Variants in RBFOX1 observed in about 807,000 individuals in gnomAD.
RBFOX1 encodes the protein RNA binding protein fox-1 homolog 1.
RBFOX1 carries 8 observed loss-of-function variants against 57.7 expected under a neutral mutation model. That is an observed-to-expected ratio of 0.14 (90% CI 0.08 to 0.25). The LOEUF is 0.25. Among genes scored for constraint, RBFOX1 ranks in the 10% least tolerant of loss-of-function variants. The pLI is 1.00. For missense variants in RBFOX1, 611 were observed against 548.5 expected (o/e 1.11, Z -1.14); for synonymous variants, 326 against 222.4 (o/e 1.47, Z -4.15).
intron 1 of RBFOX1, among the ~76,000 whole-genome samples, chr16:6,294,037 C>T (rs931282871): frequency 6.6e-6 from 1 of 152,162 alleles, no homozygotes; most frequent in African/African-American, 2.4e-5. Context: ...CAAATTTCAA[C>T]TAGGTGTGGT....
chr16:7,669,762 A>G (rs1416204694), intron 13 of RBFOX1, among the ~76,000 whole-genome samples: 2 of 152,186 alleles, frequency 1.3e-5, no homozygotes, highest in South Asian at 2.1e-4. Flanking sequence ...CTTTGGGAAC[A>G]TGTAAAGCTG....
At chr16:5,406,584 CTCTCTCTA>C (rs2066874158) in intron 1 of RBFOX1, among the ~76,000 whole-genome samples, 1 of 152,046 alleles carries the variant, frequency 6.6e-6, no homozygotes, top group Non-Finnish European at 1.5e-5. Flanking sequence ...ATTTCTCTCT[CTCTCTCTA>C]TATATATGTA....
In RBFOX1 at chr16:7,062,266, C is replaced by T. The variant is rs184160659; in HGVS notation, c.27+10168C>T. On this transcript the variant is annotated intron_variant, in intron 4 of 15. Transcript: ENST00000550418. ...CCGAGATCATGAGGTTGCAGTGAGCCGAGATCATGCCACTGCACTCCAGTC... is the reference window on the plus strand; with the variant it reads ...CCGAGATCATGAGGTTGCAGTGAGCTGAGATCATGCCACTGCACTCCAGTC... Among the ~76,000 whole-genome samples the T allele has an allele frequency of 9.8e-3, 1,352 of 137,794 alleles. 10 individuals are homozygous for T. The highest frequency in any genetic ancestry group is 0.014 in the Non-Finnish European group (930 of 66,470). 90.4% of individuals were successfully genotyped at this position (137,794 alleles called of 152,430 possible).
intron 5 of RBFOX1, among the ~76,000 whole-genome samples, chr16:7,534,086 C>CTTTTCTTTTTTT (rs1555561495): frequency 1.5e-5 from 2 of 129,916 alleles, no homozygotes; most frequent in East Asian, 2.2e-4. Context: ...CGTTTTTTTT[C>CTTTTCTTTTTTT]TTTTTTTTTT....
intron 3 of RBFOX1, among the ~76,000 whole-genome samples, chr16:6,970,119 A>G (rs1379314003): frequency 6.6e-6 from 1 of 152,028 alleles, no homozygotes; most frequent in Non-Finnish European, 1.5e-5. Flanking sequence ...TCAAGACTGA[A>G]GCGAGCTATG....
intron 1 of RBFOX1, among the ~76,000 whole-genome samples, chr16:5,378,064 C>T (rs1427022370): frequency 6.6e-6 from 1 of 151,562 alleles, no homozygotes; most frequent in Non-Finnish European, 1.5e-5. Flanking sequence ...GACAACAGCA[C>T]AGTGTTGCAC....
chr16:5,899,918 C>T (rs1265912730), intron 4 of RBFOX1, among the ~76,000 whole-genome samples: 1 of 152,112 alleles, frequency 6.6e-6, no homozygotes, highest in Non-Finnish European at 1.5e-5. Context: ...TACAAAAATA[C>T]AAAAATGAGT....
At chr16:7,603,433 A>G (rs1054782964) in intron 9 of RBFOX1, among the ~76,000 whole-genome samples, 2 of 152,218 alleles carry the variant, frequency 1.3e-5, no homozygotes, top group Non-Finnish European at 2.9e-5. Context: ...AAGAGCAAGC[A>G]AAGAAAGAAA....
intron 3 of RBFOX1, among the ~76,000 whole-genome samples, chr16:6,732,684 G>A (rs2068974320): frequency 6.6e-6 from 1 of 152,228 alleles, no homozygotes; most frequent in African/African-American, 2.4e-5. Flanking sequence ...TACATAGTAT[G>A]TTGACGTCCT....
chr16:5,355,490 G>A (rs998382974), intron 1 of RBFOX1, among the ~76,000 whole-genome samples: 1 of 152,184 alleles, frequency 6.6e-6, no homozygotes, highest in African/African-American at 2.4e-5. Flanking sequence ...TCAAGGCCCG[G>A]GGCCTGAGGT....
At position 6,559,315 on chromosome 16, in the gene RBFOX1, A is replaced by G. The variant is rs537836224; in HGVS notation, c.-63-95288A>G. On this transcript the variant is annotated intron_variant, in intron 2 of 15. Transcript: ENST00000550418. ...CATTCTCTCAGTCTATTTCTCTCACATATATTTAGAACATGTATATGTATG... is the reference window on the plus strand; with the variant it reads ...CATTCTCTCAGTCTATTTCTCTCACGTATATTTAGAACATGTATATGTATG... Among the ~76,000 whole-genome samples, 3 of 152,022 alleles carry G rather than the reference A, an allele frequency of 2.0e-5. No homozygotes were observed. The South Asian group carries it at 6.2e-4, about 32-fold the overall frequency.
intron 1 of RBFOX1, among the ~76,000 whole-genome samples, chr16:6,034,409 T>C (rs893769545): frequency 2.0e-5 from 3 of 150,752 alleles, no homozygotes; most frequent in Admixed American, 6.6e-5. Context: ...CTCATAGTTT[T>C]GGAGGCTGGG....
At chr16:6,290,913 G>A (rs73521143) in intron 1 of RBFOX1, among the ~76,000 whole-genome samples, 24,045 of 152,058 alleles carry the variant, frequency 0.16, 2,265 homozygotes, top group Non-Finnish European at 0.2. Context: ...AGAGAGTAGA[G>A]GAATAAAAGA....
chr16:6,385,231 A>C (rs1405943127), intron 2 of RBFOX1, among the ~76,000 whole-genome samples: 4 of 152,246 alleles, frequency 2.6e-5, no homozygotes, highest in Non-Finnish European at 4.4e-5. Context: ...TAATGGAAAC[A>C]GGAACAGGCA....
intron 3 of RBFOX1, among the ~76,000 whole-genome samples, chr16:6,871,245 G>A (rs144214728): frequency 2.0e-5 from 3 of 152,286 alleles, no homozygotes; most frequent in Admixed American, 6.5e-5. Context: ...GAGTGCATTG[G>A]CATGATCTCG....
chr16:5,615,506 G>A (rs1052094669), intron 3 of RBFOX1, among the ~76,000 whole-genome samples: 1 of 152,208 alleles, frequency 6.6e-6, no homozygotes, highest in Non-Finnish European at 1.5e-5. Context: ...CCATAGACAT[G>A]AGGACAGGAG....
chr16:6,819,478 C>T (rs941734287), intron 3 of RBFOX1, among the ~76,000 whole-genome samples: 39 of 151,950 alleles, frequency 2.6e-4, no homozygotes, highest in Non-Finnish European at 3.5e-4. Context: ...CCCAGGCGGG[C>T]GGATCACCTG....
chr16:5,880,843 T>G (rs932721442), intron 4 of RBFOX1, among the ~76,000 whole-genome samples: 1 of 152,238 alleles, frequency 6.6e-6, no homozygotes, highest in Non-Finnish European at 1.5e-5. Context: ...TTAAATAAAT[T>G]AAAACATGAT....
At chr16:7,372,838 A>G (rs1433288154) in intron 4 of RBFOX1, among the ~76,000 whole-genome samples, 8 of 152,060 alleles carry the variant, frequency 5.3e-5, no homozygotes, top group African/African-American at 1.9e-4. Context: ...GAGAAGTTAT[A>G]CTCAAATATA....
Sources: gnomAD v4.1 joint callset for allele counts (sites outside exome capture counted in the v4.1 genomes callset) on GRCh38, gnomAD v4.1.1 for gene constraint, MANE v1.5 for transcripts, NCBI Gene and HGNC (gene_info 2026-07-23, HGNC 2026-07-21) for gene names.